Variants in CTTNBP2 observed in about 807,000 individuals in gnomAD.
The protein encoded by CTTNBP2 is cortactin-binding protein 2.
A neutral mutation model predicts 156.9 loss-of-function variants in CTTNBP2; 108 were observed. The ratio of observed to expected loss-of-function variants is 0.69; its 90% CI spans 0.59 to 0.81. The LOEUF (loss-of-function observed/expected upper bound fraction) is 0.81. CTTNBP2 is among the 30% of genes least tolerant of loss of function. The pLI is 0.00. For missense variants in CTTNBP2, 1,924 were observed against 2,035.4 expected (o/e 0.95, Z 1.05); for synonymous variants, 767 against 751.8 (o/e 1.02, Z -0.33).
In CTTNBP2 at chr7:117,864,797, C is replaced by CAA. The variant is rs766176284; in HGVS notation, c.82-3482_82-3481insTT. On this transcript the variant is annotated intron_variant, in intron 1 of 22. Transcript: ENST00000160373. ...CAATATATATTCATATATATTCATT[C>CAA]TATATTCATATATATTCATTCAATA... Among the ~76,000 whole-genome samples the CAA allele has an allele frequency of 1.4e-3, 112 of 79,988 alleles. 9 individuals carry two copies. The highest frequency in any genetic ancestry group is 5.9e-3 in the Middle Eastern group (1 of 170). 52.5% of individuals were successfully genotyped at this position (79,988 alleles called of 152,430 possible). A position where few individuals can be genotyped will look rare whatever the true frequency, so the allele number is the denominator to read the frequency against.
intron 2 of CTTNBP2, among the ~76,000 whole-genome samples, chr7:117,843,703 C>T (rs995598236): frequency 2.6e-5 from 4 of 152,086 alleles, no homozygotes; most frequent in East Asian, 3.9e-4. Context: ...GACATGATCC[C>T]GATCTTGTTT....
In CTTNBP2 at chr7:117,734,915, T is replaced by C. The variant is rs1795595681; in HGVS notation, c.3874A>G (p.Lys1292Glu). The C allele has an allele frequency of 1.3e-6, 2 of 1,586,686 alleles. No homozygotes were observed. Among genetic ancestry groups the C allele is most frequent in the Non-Finnish European group, 1.7e-6 (2 of 1,162,180 alleles). The change falls in exon 16 of 23, where the codon AAG becomes GAG. Residue 1292 changes from lysine to glutamate, a missense_variant and splice_region_variant. By Grantham distance (56) the Lys-to-Glu change is moderately conservative (BLOSUM62 1). Coordinates refer to ENST00000160373, the MANE Select transcript of CTTNBP2 (RefSeq NM_033427.3). The part of the protein sequence containing the change: ...QRFLRRKVVN[K>E]FKGQAPSPCD... ...AGGCTGCACTTGCTGTTTGTTACCT[T>C]ATTCACAACTTTCCTTCGTAAGAAC...
intron 3 of CTTNBP2, among the ~76,000 whole-genome samples, chr7:117,804,520 C>T (rs193005526): frequency 3.3e-5 from 5 of 152,182 alleles, no homozygotes; most frequent in Admixed American, 1.3e-4. Context: ...AGAATCAACC[C>T]GAATGCCCAT....
At chr7:117,846,990 T>C (rs1176808214) in intron 2 of CTTNBP2, among the ~76,000 whole-genome samples, 1 of 152,082 alleles carries the variant, frequency 6.6e-6, no homozygotes, top group Non-Finnish European at 1.5e-5. Flanking sequence ...TAAAGACAAA[T>C]TGACTTAGAG....
At chr7:117,819,365 TCTCACACACACACA>T (rs1268389241) in intron 2 of CTTNBP2, among the ~76,000 whole-genome samples, 5 of 136,918 alleles carry the variant, frequency 3.7e-5, no homozygotes, top group South Asian at 2.5e-4. Flanking sequence ...CTTCTCTCTC[TCTCACACACACACA>T]CACACACACA....
In CTTNBP2 at chr7:117,760,475, G is replaced by A; in HGVS notation, c.3132C>T (p.Asn1044=). The A allele has an allele frequency of 9.3e-6, 15 of 1,614,054 alleles. No individual in the cohort carries two copies. The highest frequency in any genetic ancestry group is 1.3e-5 in the African/African-American group (1 of 75,046). The change falls in exon 10 of 23, where the codon AAC becomes AAT. Residue 1044 remains asparagine (N), a synonymous_variant. Coordinates refer to ENST00000160373, the MANE Select transcript of CTTNBP2 (RefSeq NM_033427.3). Reference sequence around the variant, plus strand: ...GTATGCTTCTTGCACTGAGGCCGATGTTGGAATCAGTGGTGTTATTGCAAG... The same window carrying A: ...GTATGCTTCTTGCACTGAGGCCGATATTGGAATCAGTGGTGTTATTGCAAG... ...DVTCNNTTDS[N]IGLSARSIRS...
intron 2 of CTTNBP2, among the ~76,000 whole-genome samples, chr7:117,812,415 T>G (rs974751626): frequency 6.6e-6 from 1 of 152,058 alleles, no homozygotes; most frequent in Admixed American, 6.6e-5. Context: ...TAAAGGGAAC[T>G]GAATTGGAAA....
Position 117,780,599 on chromosome 7 carries a change from C to T in CTTNBP2, c.2373-8G>A. The stretch of plus-strand genomic sequence containing the variant: ...ATTAATAATTCTACACACCTAAACA[C>T]AAGATTAGGATTAATTACATAAAAC... On this transcript the variant is annotated splice_region_variant and splice_polypyrimidine_tract_variant and intron_variant, in intron 6 of 22. Transcript: ENST00000160373. 1 of 1,545,476 alleles carries T rather than the reference C, an allele frequency of 6.5e-7. No homozygotes were observed. The highest frequency in any genetic ancestry group is 1.7e-4 in the Middle Eastern group (1 of 5,848).
intron 7 of CTTNBP2, among the ~76,000 whole-genome samples, chr7:117,778,761 T>C (rs1798247072): frequency 6.6e-6 from 1 of 152,224 alleles, no homozygotes; most frequent in Admixed American, 6.5e-5. Context: ...CCATCTTGTT[T>C]AGTTTTTTAA....
rs1277429733 is a variant in CTTNBP2 at position 117,791,144 on chromosome 7, G to T, written c.2052C>A (p.Leu684=). ...SSCRPGASDS[L]LVTASGWSPS... ...TCCCTTTACCTGATGCTGTTACCAG[G>T]AGGCTGTCTGAGGCACCTGGTCTAC... Residue 684 remains leucine (L), a synonymous_variant, in exon 4 of 23, where the codon CTC becomes CTA. Transcript: ENST00000160373. The T allele has an allele frequency of 6.2e-7, 1 of 1,613,772 alleles. No homozygotes were observed. Among genetic ancestry groups the T allele is most frequent in the South Asian group, 1.1e-5 (1 of 91,040 alleles).
intron 10 of CTTNBP2, 55 bp downstream of exon 10, chr7:117,760,380 A>G: frequency 1.3e-6 from 2 of 1,550,442 alleles, no homozygotes; most frequent in South Asian, 1.2e-5. Flanking sequence ...TGAAACCCAC[A>G]AACATAAATA....
intron 14 of CTTNBP2, among the ~76,000 whole-genome samples, chr7:117,739,013 T>A (rs1421429739): frequency 2.6e-5 from 4 of 152,188 alleles, no homozygotes; most frequent in African/African-American, 9.6e-5. Flanking sequence ...TGGTCTCCCA[T>A]GAAGTAGCAA....
intron 14 of CTTNBP2, among the ~76,000 whole-genome samples, chr7:117,741,947 G>C (rs1796045367): frequency 6.6e-6 from 1 of 152,184 alleles, no homozygotes; most frequent in Non-Finnish European, 1.5e-5. Flanking sequence ...CAAGCTAAGA[G>C]AAGAATAAGT....
intron 2 of CTTNBP2, among the ~76,000 whole-genome samples, chr7:117,811,809 T>A (rs1013624772): frequency 6.6e-6 from 1 of 150,714 alleles, no homozygotes; most frequent in African/African-American, 2.4e-5. Flanking sequence ...AAATTTTTAA[T>A]GTAAAAATTT....
chr7:117,845,068 T>C (rs1388966156), intron 2 of CTTNBP2, among the ~76,000 whole-genome samples: 1 of 152,058 alleles, frequency 6.6e-6, no homozygotes, highest in Non-Finnish European at 1.5e-5. Flanking sequence ...CAAGGTTGGA[T>C]GTTTTTTTTC....
intron 3 of CTTNBP2, among the ~76,000 whole-genome samples, chr7:117,801,898 TTTTTTTTA>T (rs1487114511): frequency 1.3e-5 from 2 of 150,938 alleles, no homozygotes; most frequent in Admixed American, 1.3e-4. Context: ...ATGTTTTTTA[TTTTTTTTA>T]TTTTTTTATT....
chr7:117,793,414 T>C (rs578004930), intron 3 of CTTNBP2: 7 of 152,396 alleles, frequency 4.6e-5, no homozygotes, highest in African/African-American at 1.7e-4. Context: ...GAGCCTGACC[T>C]TGTCTCCTAC....
chr7:117,738,508 C>T (rs117808971), intron 14 of CTTNBP2, among the ~76,000 whole-genome samples: 2,067 of 152,204 alleles, frequency 0.014, 17 homozygotes, highest in Non-Finnish European at 0.022. Flanking sequence ...CCAGGACCAA[C>T]GCACAGAATG....
In CTTNBP2 at chr7:117,724,730, G is replaced by A. The variant is rs1390383925; in HGVS notation, c.4264C>T (p.Leu1422=). 6.2e-7 allele frequency: 1 copy of A among 1,613,510 alleles called. No individual in the cohort carries two copies. Among genetic ancestry groups the A allele is most frequent in the Non-Finnish European group, 8.5e-7 (1 of 1,179,880 alleles). ...TTGAAATCAGCTGTATGCTGGTCTA[G>A]CTCTGAAACAACACAAATCACAGCA... is the stretch of plus-strand genomic sequence containing the variant. ...LHGCPLPRAE[L]DQHTADFKGG... is the part of the protein sequence containing the mutation. Residue 1422 remains leucine (L), a splice_region_variant and synonymous_variant, in exon 19 of 23, where the codon CTA becomes TTA. Transcript: ENST00000160373.
Sources: allele counts gnomAD v4.1 joint callset (sites outside exome capture counted in the v4.1 genomes callset), GRCh38; gene constraint gnomAD v4.1.1; transcripts MANE v1.5; gene names NCBI Gene and HGNC (gene_info 2026-07-23, HGNC 2026-07-21).